The following TANGO6 variants were observed in gnomAD, a reference collection of about 807,000 sequenced individuals.
The protein encoded by TANGO6 is transport and Golgi organization protein 6 homolog.
TANGO6 carries 90 observed loss-of-function variants against 114.2 expected under a neutral mutation model. The ratio of observed to expected loss-of-function variants is 0.79; its 90% CI spans 0.66 to 0.94. The LOEUF is 0.94. Ranked by LOEUF, TANGO6 falls within the 40% of genes least tolerant of loss-of-function variation. The probability of loss-of-function intolerance (pLI) is 0.00; values close to 1 mark genes in which losing one functional copy is unlikely to be tolerated. For synonymous variants in TANGO6, 477 were observed against 509.8 expected, an observed-to-expected ratio of 0.94 and a Z score of 0.87; for missense variants, 1,274 against 1,315.3, an observed-to-expected ratio of 0.97 and a Z score of 0.49.
In TANGO6 at chr16:68,907,497, G is replaced by A; in HGVS notation, c.1722G>A (p.Arg574=). The change falls in exon 10 of 18, where the codon CGG becomes CGA. Residue 574 remains arginine (R), a synonymous_variant. Transcript: ENST00000261778. ...AGAAGGTATCCTCTGAGCAGGGCCG[G>A]GTGGAGCATCTCGGGGACTTGCTGT... ...LYQKVSSEQG[R]VEHLGDLLSH... The A allele has an allele frequency of 6.2e-7, 1 of 1,613,768 alleles. No homozygotes were observed. The highest frequency in any genetic ancestry group is 1.3e-5 in the African/African-American group (1 of 74,992).
intron 15 of TANGO6, among the ~76,000 whole-genome samples, chr16:69,017,929 G>GTC (rs1227736138): frequency 6.8e-6 from 1 of 147,156 alleles, no homozygotes; most frequent in Non-Finnish European, 1.5e-5. Flanking sequence ...GAGAGACAGA[G>GTC]TCTCACCCTT....
chr16:69,078,723 G>A (rs1340428764), intron 17 of TANGO6, among the ~76,000 whole-genome samples: 2 of 152,044 alleles, frequency 1.3e-5, no homozygotes, highest in Non-Finnish European at 2.9e-5. Flanking sequence ...TTAAATATAC[G>A]TTTCTGTATT....
intron 15 of TANGO6, among the ~76,000 whole-genome samples, chr16:69,004,848 C>T (rs774439929): frequency 7.9e-5 from 12 of 152,176 alleles, no homozygotes; most frequent in Non-Finnish European, 1.6e-4. Context: ...TCTCCCACTG[C>T]AAATTCTCAC....
At chr16:68,950,790 C>A (rs1159968890) in intron 14 of TANGO6, among the ~76,000 whole-genome samples, 3 of 151,762 alleles carry the variant, frequency 2.0e-5, no homozygotes, top group Non-Finnish European at 4.4e-5. Context: ...GCCTGGGAGG[C>A]GGAGGTTGCA....
chr16:68,894,009 C>T (rs946157849), intron 7 of TANGO6, among the ~76,000 whole-genome samples: 4 of 152,246 alleles, frequency 2.6e-5, no homozygotes, highest in East Asian at 1.9e-4. Flanking sequence ...GTTGTGCCTT[C>T]GCTGCTTCCT....
chr16:68,902,535 C>A, intron 9 of TANGO6, 31 bp downstream of exon 9: 1 of 1,557,272 alleles, frequency 6.4e-7, no homozygotes, highest in Non-Finnish European at 8.7e-7. Context: ...CTGTTCTCTT[C>A]AGATTTAGTT....
At position 68,867,193 on chromosome 16, in the gene TANGO6, G is replaced by A; in HGVS notation, c.967G>A (p.Val323Ile). ...GAGACCTAATGGTGTTCAGGCAGTAGTCCGGGGCATTTTGGAAGGAGCAGG... is the reference window on the plus strand; with the variant it reads ...GAGACCTAATGGTGTTCAGGCAGTAATCCGGGGCATTTTGGAAGGAGCAGG... ...LMRPNGVQAV[V>I]RGILEGAGAG... The change falls in exon 4 of 18, where the codon GTC (valine) becomes ATC (isoleucine). Residue 323 changes from valine (V) to isoleucine (I), a missense_variant. Val to Ile is a conservative substitution (Grantham distance 29). Transcript: ENST00000261778. 1 of 1,613,890 alleles carries A rather than the reference G, an allele frequency of 6.2e-7. No homozygotes were observed. Among genetic ancestry groups the A allele is most frequent in the African/African-American group, 1.3e-5 (1 of 75,004 alleles).
chr16:69,077,433 G>A (rs1960397901), intron 17 of TANGO6, among the ~76,000 whole-genome samples: 1 of 152,094 alleles, frequency 6.6e-6, no homozygotes, highest in African/African-American at 2.4e-5. Context: ...GACTAGCCAG[G>A]AGTGGCACGC....
Position 68,983,902 on chromosome 16 carries a change from G to A in TANGO6, c.2842+9734G>A, listed in dbSNP as rs370029408. On this transcript the variant is annotated intron_variant, in intron 15 of 17. Transcript: ENST00000261778. ...CAAAAAATTAGCCAGTCGTGTTGGCGGGTGCCTGTTGTCCCAGCTACTCGG... is the reference window on the plus strand; with the variant it reads ...CAAAAAATTAGCCAGTCGTGTTGGCAGGTGCCTGTTGTCCCAGCTACTCGG... Among the ~76,000 whole-genome samples, 143 of 152,056 alleles carry A rather than the reference G, an allele frequency of 9.4e-4. 2 individuals carry two copies. The highest frequency in any genetic ancestry group is 1.5e-3 in the East Asian group (8 of 5,170).
intron 17 of TANGO6, among the ~76,000 whole-genome samples, chr16:69,054,762 T>A (rs1960006674): frequency 7.0e-6 from 1 of 142,396 alleles, no homozygotes; most frequent in Non-Finnish European, 1.5e-5. Flanking sequence ...TGAAACACCA[T>A]CTCTACTAAA....
At chr16:68,931,872 T>A (rs1042904450) in intron 14 of TANGO6, among the ~76,000 whole-genome samples, 12 of 152,096 alleles carry the variant, frequency 7.9e-5, no homozygotes, top group Admixed American at 2.0e-4. Flanking sequence ...ACTTTTTTTT[T>A]AAGATGGAGT....
chr16:68,988,274 A>G (rs1211179286), intron 15 of TANGO6, among the ~76,000 whole-genome samples: 2 of 152,216 alleles, frequency 1.3e-5, no homozygotes, highest in African/African-American at 4.8e-5. Context: ...ACTTTCCAGT[A>G]GCACTTGATA....
intron 16 of TANGO6, among the ~76,000 whole-genome samples, chr16:69,037,093 G>A (rs1292053574): frequency 6.8e-6 from 1 of 147,000 alleles, no homozygotes; most frequent in South Asian, 2.1e-4. Flanking sequence ...CTGAGATCGT[G>A]CTACTGCACT....
At chr16:69,062,496 G>A (rs1403913465) in intron 17 of TANGO6, among the ~76,000 whole-genome samples, 3 of 151,592 alleles carry the variant, frequency 2.0e-5, no homozygotes, top group Non-Finnish European at 2.9e-5. Flanking sequence ...TTTTTGAGAC[G>A]GAGTCTCACA....
At chr16:69,018,127 C>T (rs1959334269) in intron 15 of TANGO6, among the ~76,000 whole-genome samples, 1 of 138,262 alleles carries the variant, frequency 7.2e-6, no homozygotes, top group African/African-American at 2.8e-5. Context: ...CATGCCCAGC[C>T]GTTGGAAATC....
chr16:68,951,979 A>G (rs1963476240), intron 14 of TANGO6, among the ~76,000 whole-genome samples: 1 of 152,162 alleles, frequency 6.6e-6, no homozygotes, highest in Non-Finnish European at 1.5e-5. Context: ...TCAGTGAAGC[A>G]ATTAAATACT....
At chr16:69,038,114 A>G (rs1010938275) in intron 16 of TANGO6, among the ~76,000 whole-genome samples, 5 of 152,174 alleles carry the variant, frequency 3.3e-5, no homozygotes, top group Admixed American at 3.3e-4. Context: ...AAATATATTC[A>G]CACAGTAAGT....
intron 16 of TANGO6, among the ~76,000 whole-genome samples, chr16:69,039,994 C>G (rs1959749058): frequency 6.6e-6 from 1 of 152,196 alleles, no homozygotes; most frequent in Admixed American, 6.5e-5. Flanking sequence ...ACAGTTCTCA[C>G]TTTTGTGGAA....
chr16:68,991,126 G>T (rs147687227), intron 15 of TANGO6, among the ~76,000 whole-genome samples: 22 of 152,326 alleles, frequency 1.4e-4, no homozygotes, highest in Admixed American at 5.9e-4. Flanking sequence ...CTCTGTTGAG[G>T]CTGTGTTGGG....
Sources: allele counts gnomAD v4.1 joint callset (sites outside exome capture counted in the v4.1 genomes callset), GRCh38; gene constraint gnomAD v4.1.1; transcripts MANE v1.5; gene names NCBI Gene and HGNC (gene_info 2026-07-23, HGNC 2026-07-21).